LARS2: variants seen among roughly 807,000 people sequenced by gnomAD.
The protein encoded by LARS2 is leucine--tRNA ligase, mitochondrial.
Under a neutral mutation model 116.6 loss-of-function variants are expected in LARS2, and 81 were observed. The observed-to-expected ratio is 0.69, with a 90% CI of 0.58 to 0.84. The LOEUF (loss-of-function observed/expected upper bound fraction) is 0.84. LARS2 is among the 40% of genes least tolerant of loss of function. The probability of loss-of-function intolerance (pLI) is 0.00; values close to 1 mark genes in which losing one functional copy is unlikely to be tolerated. For synonymous variants in LARS2, 396 were observed against 407.2 expected (o/e 0.97, Z 0.33); for missense variants, 968 against 1,114.5 (o/e 0.87, Z 1.87).
intron 6 of LARS2, among the ~76,000 whole-genome samples, chr3:45,438,193 AAAG>A (rs1231877544): frequency 6.6e-6 from 1 of 152,118 alleles, no homozygotes; most frequent in Non-Finnish European, 1.5e-5. Context: ...GTCATTCCTA[AAAG>A]AATATTCACT....
chr3:45,437,445 G>A (rs1698826559), intron 6 of LARS2, among the ~76,000 whole-genome samples: 1 of 152,236 alleles, frequency 6.6e-6, no homozygotes, highest in Admixed American at 6.5e-5. Flanking sequence ...GATAAAGGAG[G>A]TTAGAGACAG....
intron 14 of LARS2, 39 bp from the exon 15 acceptor site, chr3:45,500,403 A>C: frequency 6.3e-7 from 1 of 1,592,928 alleles, no homozygotes; most frequent in Non-Finnish European, 8.5e-7. Context: ...AATTGTGGCA[A>C]AGCAGGTTTT....
intron 12 of LARS2, among the ~76,000 whole-genome samples, chr3:45,489,288 G>T (rs1699870846): frequency 6.6e-6 from 1 of 152,184 alleles, no homozygotes; most frequent in Non-Finnish European, 1.5e-5. Context: ...CATCTGGCAG[G>T]ATTTGAGCCC....
intron 7 of LARS2, 33 bp downstream of exon 7, chr3:45,447,013 A>C (rs1575260781): frequency 7.9e-7 from 1 of 1,264,602 alleles, no homozygotes; most frequent in African/African-American, 1.5e-5. Context: ...TTTAAAATTC[A>C]GTGAATCTCT....
intron 8 of LARS2, among the ~76,000 whole-genome samples, chr3:45,459,434 A>G (rs1699274486): frequency 6.6e-6 from 1 of 152,234 alleles, no homozygotes; most frequent in Non-Finnish European, 1.5e-5. Flanking sequence ...AGAGAAGGCC[A>G]AGTGAAAATG....
chr3:45,418,106 A>G (rs1292535610), intron 5 of LARS2, among the ~76,000 whole-genome samples: 1 of 152,158 alleles, frequency 6.6e-6, no homozygotes. Context: ...TCAGGCTTCT[A>G]CTACACGTGG....
At chr3:45,512,494 A>G (rs1299963679) in intron 15 of LARS2, among the ~76,000 whole-genome samples, 1 of 152,250 alleles carries the variant, frequency 6.6e-6, no homozygotes, top group East Asian at 1.9e-4. Flanking sequence ...TTTTTAAAAC[A>G]GGTACTATAA....
chr3:45,541,752 A>G, intron 20 of LARS2, 77 bp from the exon 21 acceptor site: 1 of 1,554,542 alleles, frequency 6.4e-7, no homozygotes, highest in East Asian at 2.3e-5. Context: ...CTGTGTTGGG[A>G]TGGAAGCTTT....
chr3:45,504,518 T>C (rs954051922), intron 15 of LARS2, among the ~76,000 whole-genome samples: 1 of 152,012 alleles, frequency 6.6e-6, no homozygotes, highest in African/African-American at 2.4e-5. Context: ...CCTTCATGTA[T>C]GAAAATAAAC....
chr3:45,440,325 T>C (rs1210815846), intron 6 of LARS2, among the ~76,000 whole-genome samples: 1 of 152,244 alleles, frequency 6.6e-6, no homozygotes, highest in Non-Finnish European at 1.5e-5. Context: ...GACAAAGCCA[T>C]CACTAAACAT....
intron 12 of LARS2, among the ~76,000 whole-genome samples, chr3:45,489,792 G>A (rs1699882085): frequency 6.6e-6 from 1 of 152,182 alleles, no homozygotes; most frequent in Non-Finnish European, 1.5e-5. Context: ...CCGATTTGAT[G>A]GTTATTGGTG....
intron 10 of LARS2, among the ~76,000 whole-genome samples, chr3:45,480,089 G>A (rs774989683): frequency 2.0e-4 from 30 of 152,338 alleles, no homozygotes; most frequent in Middle Eastern, 3.4e-3. Flanking sequence ...AAGGGTGAGA[G>A]CAGATCTGTA....
chr3:45,502,246 C>G (rs1700133579), intron 15 of LARS2, among the ~76,000 whole-genome samples: 2 of 151,894 alleles, frequency 1.3e-5, no homozygotes, highest in African/African-American at 4.8e-5. Flanking sequence ...GATCGTTTCT[C>G]TTTTATTGAT....
At chr3:45,425,888 T>C (rs1275608388) in intron 6 of LARS2, among the ~76,000 whole-genome samples, 2 of 139,492 alleles carry the variant, frequency 1.4e-5, no homozygotes, top group East Asian at 4.1e-4. Flanking sequence ...CTGGTTTTCT[T>C]ATAAGCCTTT....
chr3:45,439,210 C>CTTTTTTTTTTTTT (rs575140221), intron 6 of LARS2, among the ~76,000 whole-genome samples: 4 of 62,458 alleles, frequency 6.4e-5, no homozygotes, highest in African/African-American at 2.6e-4. Flanking sequence ...GAAACTCTGG[C>CTTTTTTTTTTTTT]TTTTTTTTTT....
intron 6 of LARS2, among the ~76,000 whole-genome samples, chr3:45,426,185 C>CTAA: frequency 6.6e-6 from 1 of 152,218 alleles, no homozygotes; most frequent in African/African-American, 2.4e-5. Flanking sequence ...GAGGCTTGAA[C>CTAA]TAATAACGAA....
rs1434708075 is a variant in LARS2, at chr3:45,549,284, A to G, written c.*1754A>G. 1 of 152,216 alleles carries G rather than the reference A, an allele frequency of 6.6e-6. No individual in the cohort carries two copies. The highest frequency in any genetic ancestry group is 1.5e-5 in the Non-Finnish European group (1 of 68,038). The allele number at this position is 152,216 out of a possible 1,614,324, so 9.4% of individuals were successfully genotyped here. A position where few individuals can be genotyped will look rare whatever the true frequency, so the allele number is the denominator to read the frequency against. ...TTAGCGGGGATAAGTTTGGTCCAGGACCAAGAGTTGGACCAAAAGGGAAGA... is the reference window on the plus strand; with the variant it reads ...TTAGCGGGGATAAGTTTGGTCCAGGGCCAAGAGTTGGACCAAAAGGGAAGA... On this transcript the variant is annotated 3_prime_UTR_variant, in exon 22 of 22. Coordinates refer to ENST00000645846, the MANE Select transcript of LARS2 (RefSeq NM_015340.4).
chr3:45,494,159 TC>T (rs1169998576), intron 13 of LARS2, among the ~76,000 whole-genome samples: 2 of 152,036 alleles, frequency 1.3e-5, no homozygotes, highest in Non-Finnish European at 2.9e-5. Context: ...CATTGGGAGG[TC>T]CCCTGATTAA....
intron 16 of LARS2, among the ~76,000 whole-genome samples, chr3:45,514,656 G>A (rs949302812): frequency 2.6e-5 from 4 of 152,206 alleles, no homozygotes; most frequent in African/African-American, 7.2e-5. Flanking sequence ...GATTTCAGTA[G>A]GGCCTGAAAT....
Sources: gnomAD v4.1 joint callset for allele counts (sites outside exome capture counted in the v4.1 genomes callset) on GRCh38, gnomAD v4.1.1 for gene constraint, MANE v1.5 for transcripts, NCBI Gene and HGNC (gene_info 2026-07-23, HGNC 2026-07-21) for gene names.